The following AFAP1L1 variants were observed in gnomAD, a reference collection of about 807,000 sequenced individuals.
The protein encoded by AFAP1L1 is actin filament associated protein 1 like 1.
In AFAP1L1, 77 loss-of-function variants were observed where a neutral mutation model predicts 99.8. The observed-to-expected ratio is 0.77, with a 90% CI of 0.64 to 0.93. AFAP1L1 has a LOEUF of 0.93. AFAP1L1 is among the 40% of genes least tolerant of loss of function. The probability of loss-of-function intolerance (pLI) is 0.00; values close to 1 mark genes in which losing one functional copy is unlikely to be tolerated. For synonymous variants in AFAP1L1, 373 were observed against 395.3 expected (o/e 0.94, Z 0.67); for missense variants, 893 against 996.8 (o/e 0.90, Z 1.40).
intron 5 of AFAP1L1, among the ~76,000 whole-genome samples, chr5:149,305,408 T>C (rs1247208132): frequency 3.3e-5 from 5 of 152,226 alleles, no homozygotes; most frequent in Non-Finnish European, 7.3e-5. Context: ...GAATAAATTT[T>C]TCCCAACTCA....
rs541219214 is a variant in AFAP1L1 at position 149,294,338 on chromosome 5, A to G, written c.17-5171A>G. Among the ~76,000 whole-genome samples the G allele has an allele frequency of 1.4e-4, 22 of 152,322 alleles. No individual in the cohort carries two copies. The East Asian group carries it at 2.3e-3, about 16-fold the overall frequency. ...TACTGTCCTGTTGGTATCACTTTTCATATGCCTTATACCCATACGACCTCT... is the reference window on the plus strand; with the variant it reads ...TACTGTCCTGTTGGTATCACTTTTCGTATGCCTTATACCCATACGACCTCT... On this transcript the variant is annotated intron_variant, in intron 1 of 18. Coordinates refer to ENST00000296721, the MANE Select transcript of AFAP1L1 (RefSeq NM_152406.4).
At chr5:149,319,557 T>C in intron 12 of AFAP1L1, 25 bp from the exon 13 acceptor site, 1 of 1,573,506 alleles carries the variant, frequency 6.4e-7, no homozygotes, top group Non-Finnish European at 8.6e-7. Flanking sequence ...GAAAATGAAC[T>C]CCATCTTTGC....
rs982081654 is a variant in AFAP1L1, at chr5:149,319,728, G to T, written c.1625+1G>T. ...TCAGTGCTGGGCGCAACTCCTTCCT[G>T]TAAGTGTCAGCTGCACTGGCCACAC... On this transcript the variant is annotated splice_donor_variant, in intron 13 of 18. Coordinates refer to ENST00000296721, the MANE Select transcript of AFAP1L1 (RefSeq NM_152406.4). LOFTEE classifies it high-confidence loss of function. 1 of 1,611,506 alleles carries T rather than the reference G, an allele frequency of 6.2e-7. No homozygotes were observed. The highest frequency in any genetic ancestry group is 2.2e-5 in the East Asian group (1 of 44,852).
intron 18 of AFAP1L1, among the ~76,000 whole-genome samples, chr5:149,339,072 T>C (rs1439716771): frequency 6.6e-6 from 1 of 152,124 alleles, no homozygotes; most frequent in Non-Finnish European, 1.5e-5. Context: ...TTAGGCTTTC[T>C]GAACCATATG....
chr5:149,312,041 C>G (rs1303531806), intron 8 of AFAP1L1, 71 bp from the exon 9 acceptor site: 1 of 1,399,254 alleles, frequency 7.1e-7, no homozygotes, highest in Non-Finnish European at 1.0e-6. Flanking sequence ...ATTCACCACA[C>G]AGTCCCCATT....
chr5:149,299,384 C>T (rs1322305182), intron 1 of AFAP1L1, 125 bp from the exon 2 acceptor site: 9 of 1,331,766 alleles, frequency 6.8e-6, no homozygotes, highest in Admixed American at 2.4e-5. Flanking sequence ...CCCCCAGGTC[C>T]GCTTGCACAC....
chr5:149,285,867 C>T (rs352355), intron 1 of AFAP1L1, among the ~76,000 whole-genome samples: 116,998 of 151,570 alleles, frequency 0.77, 47,155 homozygotes, highest in Non-Finnish European at 0.88. Context: ...CTTGGGGCCT[C>T]CCTAGTCTGT....
chr5:149,279,257 C>A (rs1021369310), intron 1 of AFAP1L1, among the ~76,000 whole-genome samples: 1 of 152,166 alleles, frequency 6.6e-6, no homozygotes, highest in Non-Finnish European at 1.5e-5. Context: ...TGGGCTCAAT[C>A]TAAGAGAAGC....
intron 1 of AFAP1L1, among the ~76,000 whole-genome samples, chr5:149,283,627 A>C (rs2127589982): frequency 6.6e-6 from 1 of 152,296 alleles, no homozygotes; most frequent in South Asian, 2.1e-4. Context: ...GCATCTTAGA[A>C]TGGAGAAATT....
At chr5:149,297,168 A>G (rs1430620492) in intron 1 of AFAP1L1, among the ~76,000 whole-genome samples, 18 of 152,238 alleles carry the variant, frequency 1.2e-4, no homozygotes, top group Admixed American at 1.1e-3. Context: ...GAAAACAGCT[A>G]AAGTTTGGCT....
chr5:149,310,174 T>C, intron 8 of AFAP1L1, 39 bp downstream of exon 8: 1 of 1,533,734 alleles, frequency 6.5e-7, no homozygotes. Flanking sequence ...CTTCTCACCC[T>C]TTCTCTCTTC....
Position 149,271,909 on chromosome 5 carries a change from A to C in AFAP1L1, c.-60A>C. 1 of 1,196,150 alleles carries C rather than the reference A, an allele frequency of 8.4e-7. No individual in the cohort carries two copies. The highest frequency in any genetic ancestry group is 1.0e-6 in the Non-Finnish European group (1 of 962,016). The allele number at this position is 1,196,150 out of a possible 1,614,324, so 74.1% of individuals were successfully genotyped here. A position where few individuals can be genotyped will look rare whatever the true frequency, so the allele number is the denominator to read the frequency against. ...CTGAGAGCGCAGCGCGCCGGCCGCTACCAGCCGCGCCGGAGCCCCTGCGCC... is the reference window on the plus strand; with the variant it reads ...CTGAGAGCGCAGCGCGCCGGCCGCTCCCAGCCGCGCCGGAGCCCCTGCGCC... On this transcript the variant is annotated 5_prime_UTR_variant, in exon 1 of 19. Transcript: ENST00000296721.
chr5:149,317,703 G>T, intron 11 of AFAP1L1, 26 bp from the exon 12 acceptor site: 1 of 1,612,246 alleles, frequency 6.2e-7, no homozygotes, highest in South Asian at 1.1e-5. Context: ...CAGGCTATGG[G>T]AACCTCACAC....
intron 9 of AFAP1L1, among the ~76,000 whole-genome samples, chr5:149,314,349 GGAA>G (rs1365676646): frequency 2.0e-5 from 3 of 152,120 alleles, no homozygotes; most frequent in Admixed American, 6.5e-5. Context: ...TGTGTAGAGG[GGAA>G]GAAGAAGCAA....
At chr5:149,324,535 T>C (rs1757040285) in intron 15 of AFAP1L1, among the ~76,000 whole-genome samples, 1 of 152,250 alleles carries the variant, frequency 6.6e-6, no homozygotes, top group Non-Finnish European at 1.5e-5. Flanking sequence ...AATTGCCTAT[T>C]GCTACATAAG....
At position 149,319,613 on chromosome 5, in the gene AFAP1L1, T is replaced by C; in HGVS notation, c.1511T>C (p.Leu504Pro). The change falls in exon 13 of 19, where the codon CTC becomes CCC. Residue 504 changes from leucine to proline, a missense_variant. Transcript: ENST00000296721. ...TGTTCAGAGGACATGGGTCGCTGGC[T>C]CGGGCTGCTGCTGGTGGAGATGGGC... ...ASCSEDMGRW[L>P]GLLLVEMGSR... 1 of 1,613,268 alleles carries C rather than the reference T, an allele frequency of 6.2e-7. No individual in the cohort carries two copies. Among genetic ancestry groups the C allele is most frequent in the Non-Finnish European group, 8.5e-7 (1 of 1,179,802 alleles).
chr5:149,281,599 T>C (rs1755521169), intron 1 of AFAP1L1, among the ~76,000 whole-genome samples: 1 of 152,238 alleles, frequency 6.6e-6, no homozygotes, highest in Non-Finnish European at 1.5e-5. Context: ...TCAAGTGTAC[T>C]TATTGCTGAA....
chr5:149,307,689 A>C, intron 7 of AFAP1L1, 76 bp downstream of exon 7: 1 of 1,468,850 alleles, frequency 6.8e-7, no homozygotes, highest in Non-Finnish European at 9.3e-7. Context: ...ATACATGTGG[A>C]TATGTCTGCC....
intron 15 of AFAP1L1, among the ~76,000 whole-genome samples, chr5:149,329,459 G>T (rs1377386876): frequency 2.6e-5 from 4 of 152,164 alleles, no homozygotes; most frequent in African/African-American, 9.7e-5. Flanking sequence ...CTGTTCCAAG[G>T]CCTTGCTCCT....
Sources: gnomAD v4.1 joint callset for allele counts (sites outside exome capture counted in the v4.1 genomes callset) on GRCh38, gnomAD v4.1.1 for gene constraint, MANE v1.5 for transcripts, NCBI Gene and HGNC (gene_info 2026-07-23, HGNC 2026-07-21) for gene names.